YAP1: variants seen among roughly 807,000 people sequenced by gnomAD.
YAP1 encodes the protein transcriptional coactivator YAP1.
Under a neutral mutation model 56.9 loss-of-function variants are expected in YAP1, and 5 were observed. That is an observed-to-expected ratio of 0.09 (90% CI 0.05 to 0.18). The LOEUF (loss-of-function observed/expected upper bound fraction) is 0.18. YAP1 is among the 10% of genes least tolerant of loss of function. The pLI, the probability that YAP1 is intolerant of heterozygous loss-of-function variation, is 1.00. For missense variants in YAP1, 539 were observed against 651.8 expected (o/e 0.83, Z 1.88); for synonymous variants, 265 against 248.1 (o/e 1.07, Z -0.64).
At chr11:102,151,983 T>A (rs1201307836) in intron 2 of YAP1, among the ~76,000 whole-genome samples, 1 of 152,194 alleles carries the variant, frequency 6.6e-6, no homozygotes, top group Non-Finnish European at 1.5e-5. Context: ...GACAACCTTA[T>A]TGAACACAGC....
chr11:102,111,780 A>G (rs1244468713), intron 1 of YAP1, among the ~76,000 whole-genome samples: 2 of 151,986 alleles, frequency 1.3e-5, no homozygotes, highest in African/African-American at 4.8e-5. Flanking sequence ...AGGTGGGGGT[A>G]GAACCGGTCC....
chr11:102,181,768 T>G (rs1947640123), intron 3 of YAP1, among the ~76,000 whole-genome samples: 1 of 152,170 alleles, frequency 6.6e-6, no homozygotes, highest in African/African-American at 2.4e-5. Context: ...TCAGATAAAT[T>G]TGAGAAATAC....
At chr11:102,168,305 A>G (rs1048130146) in intron 3 of YAP1, among the ~76,000 whole-genome samples, 13 of 152,344 alleles carry the variant, frequency 8.5e-5, no homozygotes, top group African/African-American at 3.1e-4. Flanking sequence ...CAGTAAAGTC[A>G]AAGTATATTC....
In YAP1 at chr11:102,135,058, G is replaced by A. The variant is rs148154220; in HGVS notation, c.572+20664G>A. 5.5e-4 allele frequency among the ~76,000 whole-genome samples: 84 copies of A among 152,164 alleles called. 2 individuals carry two copies. The South Asian group carries it at 7.3e-3, about 13-fold the overall frequency. ...CTAATTTTGTATTTTTAGTAGATTC[G>A]GGATTTCACTATGTTGGCCAGGCTG... On this transcript the variant is annotated intron_variant, in intron 2 of 8. Transcript: ENST00000282441.
chr11:102,186,404 G>T, intron 4 of YAP1: 2 of 329,838 alleles, frequency 6.1e-6, no homozygotes, highest in Non-Finnish European at 5.6e-6. Flanking sequence ...TTCACATTTT[G>T]GGAGAAACAC....
At chr11:102,140,158 T>C (rs1192436039) in intron 2 of YAP1, among the ~76,000 whole-genome samples, 2 of 150,572 alleles carry the variant, frequency 1.3e-5, no homozygotes, top group African/African-American at 4.9e-5. Flanking sequence ...GTAAAAAAAA[T>C]TGGGTGTTGT....
chr11:102,215,685 G>A lies in YAP1; in HGVS notation c.1032+6121G>A, dbSNP rs892877187. On this transcript the variant is annotated intron_variant, in intron 6 of 8. Coordinates refer to ENST00000282441, the MANE Select transcript of YAP1 (RefSeq NM_001130145.3). ...GTAGAGACAGGGTTTCACCATGTTG[G>A]TCAGGCTGGTCTCGAACTCCTGACC... Among the ~76,000 whole-genome samples the A allele has an allele frequency of 3.9e-5, 6 of 152,240 alleles. No individual in the cohort carries two copies. The East Asian group carries it at 7.7e-4, about 20-fold the overall frequency.
At chr11:102,172,476 G>GTTT (rs1946970701) in intron 3 of YAP1, among the ~76,000 whole-genome samples, 4 of 139,248 alleles carry the variant, frequency 2.9e-5, no homozygotes, top group Admixed American at 7.1e-5. Flanking sequence ...CATGCACAGC[G>GTTT]TTTTTTTTTT....
At chr11:102,164,002 G>A (rs564900925) in intron 3 of YAP1, among the ~76,000 whole-genome samples, 131 of 151,690 alleles carry the variant, frequency 8.6e-4, no homozygotes, top group Non-Finnish European at 2.1e-4. Flanking sequence ...TACATTCTCA[G>A]AATCTCTTTT....
At chr11:102,159,810 ACTTTT>A (rs1393503018) in intron 2 of YAP1, among the ~76,000 whole-genome samples, 2 of 152,064 alleles carry the variant, frequency 1.3e-5, no homozygotes, top group African/African-American at 4.8e-5. Flanking sequence ...CATCTGCTTG[ACTTTT>A]CTTTTCCACA....
intron 7 of YAP1, among the ~76,000 whole-genome samples, chr11:102,225,041 A>G (rs1283991909): frequency 2.0e-5 from 3 of 152,212 alleles, no homozygotes; most frequent in East Asian, 1.9e-4. Context: ...CTGGGCTACA[A>G]TTTGAGATTC....
At chr11:102,123,845 T>G (rs1943856991) in intron 2 of YAP1, among the ~76,000 whole-genome samples, 1 of 152,090 alleles carries the variant, frequency 6.6e-6, no homozygotes, top group African/African-American at 2.4e-5. Context: ...TTCACCGTGG[T>G]CTCGATCTCC....
At chr11:102,176,745 C>CAAAAAAAAGAAAAAAAAAAAAAAAAAA (rs1947274782) in intron 3 of YAP1, among the ~76,000 whole-genome samples, 1 of 45,480 alleles carries the variant, frequency 2.2e-5, no homozygotes, top group Non-Finnish European at 3.8e-5. Flanking sequence ...GACTCCGTCT[C>CAAAAAAAAGAAAAAAAAAAAAAAAAAA]AAAAAAAAAA....
intron 2 of YAP1, among the ~76,000 whole-genome samples, chr11:102,123,062 A>T (rs1199489106): frequency 6.6e-6 from 1 of 151,890 alleles, no homozygotes; most frequent in Non-Finnish European, 1.5e-5. Flanking sequence ...TTACATTGCT[A>T]TTTCTTGAAT....
intron 2 of YAP1, among the ~76,000 whole-genome samples, chr11:102,131,187 TC>T (rs1259257839): frequency 6.6e-6 from 1 of 152,324 alleles, no homozygotes; most frequent in African/African-American, 2.4e-5. Context: ...AGTTATAGTT[TC>T]TAAAACTGTA....
intron 6 of YAP1, among the ~76,000 whole-genome samples, chr11:102,217,537 A>G (rs187545982): frequency 4.3e-4 from 66 of 152,320 alleles, no homozygotes; most frequent in African/African-American, 1.4e-3. Flanking sequence ...GAATCCCAAG[A>G]TTATCACACT....
In YAP1 at chr11:102,158,655, T is replaced by G. The variant is rs1267381918; in HGVS notation, c.573-3801T>G. On this transcript the variant is annotated intron_variant, in intron 2 of 8. Transcript: ENST00000282441. ...CCTTATCACAGTACCAGTATCAATG[T>G]TAATCTCTTTCTTAGTATATTATTT... Among the ~76,000 whole-genome samples, 3 of 152,350 alleles carry G rather than the reference T, an allele frequency of 2.0e-5. No individual in the cohort carries two copies. In the East Asian group the frequency reaches 5.8e-4, roughly 29 times the overall value.
At chr11:102,181,749 G>T (rs767280237) in intron 3 of YAP1, among the ~76,000 whole-genome samples, 18 of 152,180 alleles carry the variant, frequency 1.2e-4, no homozygotes, top group Non-Finnish European at 2.2e-4. Context: ...AGATGTGGTT[G>T]TGTATAACTC....
At chr11:102,155,638 G>A (rs1490308387) in intron 2 of YAP1, among the ~76,000 whole-genome samples, 1 of 152,218 alleles carries the variant, frequency 6.6e-6, no homozygotes, top group Non-Finnish European at 1.5e-5. Context: ...ACTTTGCTAA[G>A]AAGCGTTTAG....
Sources: allele counts gnomAD v4.1 joint callset (sites outside exome capture counted in the v4.1 genomes callset), GRCh38; gene constraint gnomAD v4.1.1; transcripts MANE v1.5; gene names NCBI Gene and HGNC (gene_info 2026-07-23, HGNC 2026-07-21).